SV2C: variants seen among roughly 807,000 people sequenced by gnomAD.
The protein encoded by SV2C is synaptic vesicle glycoprotein 2C, also known as solute carrier family 22 member B3.
Under a neutral mutation model 79.7 loss-of-function variants are expected in SV2C, and 49 were observed. The observed-to-expected ratio is 0.61, with a 90% confidence interval of 0.49 to 0.78. SV2C has a LOEUF of 0.78. Among genes scored for constraint, SV2C ranks in the 30% least tolerant of loss-of-function variants. The pLI is 0.00. For synonymous variants in SV2C, 334 were observed against 333.2 expected, an observed-to-expected ratio of 1.00 and a Z score of -0.03; for missense variants, 833 against 912.9, an observed-to-expected ratio of 0.91 and a Z score of 1.13.
chr5:75,892,256 T>A, the SV2C span, among the ~76,000 whole-genome samples: 5 of 151,476 alleles, frequency 3.3e-5, no homozygotes, highest in Non-Finnish European at 5.9e-5. Context: ...TTTTAATAAA[T>A]TTTTTTTTAA....
At chr5:75,927,982 C>T in the SV2C span, among the ~76,000 whole-genome samples, 1 of 152,168 alleles carries the variant, frequency 6.6e-6, no homozygotes, top group Admixed American at 6.5e-5. Flanking sequence ...TAACTTTCAT[C>T]GAGTGTCTAT....
the SV2C span, among the ~76,000 whole-genome samples, chr5:75,953,298 C>T: frequency 6.6e-6 from 1 of 151,946 alleles, no homozygotes. Flanking sequence ...TGACCAAATA[C>T]CTCCCATTAA....
intron 1 of SV2C, among the ~76,000 whole-genome samples, chr5:76,120,854 A>G (rs1289425646): frequency 1.3e-5 from 2 of 150,656 alleles, no homozygotes; most frequent in South Asian, 2.1e-4. Flanking sequence ...TTATAGCGGC[A>G]TGATTTATAG....
chr5:76,270,975 G>A (rs1412413064), intron 4 of SV2C, among the ~76,000 whole-genome samples: 1 of 151,950 alleles, frequency 6.6e-6, no homozygotes, highest in Non-Finnish European at 1.5e-5. Context: ...CACCATGTTG[G>A]CCACGCTGAT....
chr5:76,063,075 G>C, the SV2C span, among the ~76,000 whole-genome samples: 8 of 152,096 alleles, frequency 5.3e-5, no homozygotes, highest in Non-Finnish European at 1.2e-4. Flanking sequence ...AAAATGACCT[G>C]CTTTACACTG....
At chr5:76,218,397 T>C (rs1580361577) in intron 4 of SV2C, among the ~76,000 whole-genome samples, 1 of 152,176 alleles carries the variant, frequency 6.6e-6, no homozygotes, top group Admixed American at 6.5e-5. Flanking sequence ...AAATGTGGCA[T>C]ATATACAACA....
chr5:76,214,143 G>C (rs1206462929), intron 4 of SV2C, among the ~76,000 whole-genome samples: 1 of 152,100 alleles, frequency 6.6e-6, no homozygotes, highest in Non-Finnish European at 1.5e-5. Flanking sequence ...AAGCTTTACT[G>C]TTTTTACAGT....
At chr5:75,965,769 G>A in the SV2C span, among the ~76,000 whole-genome samples, 88 of 151,948 alleles carry the variant, frequency 5.8e-4, no homozygotes, top group Non-Finnish European at 9.0e-4. Context: ...TGGCATTGTT[G>A]CTAGGGATAC....
intron 1 of SV2C, among the ~76,000 whole-genome samples, chr5:76,123,508 A>C (rs573700144): frequency 1.3e-5 from 2 of 152,318 alleles, no homozygotes; most frequent in African/African-American, 4.8e-5. Context: ...ATCCAGCAGC[A>C]CATCAAAAAG....
At chr5:75,994,158 A>G in the SV2C span, among the ~76,000 whole-genome samples, 6,090 of 152,172 alleles carry the variant, frequency 0.04, 460 homozygotes, top group African/African-American at 0.14. Context: ...AGAGTTTGCA[A>G]TGGTACACAT....
At chr5:76,316,948 T>G (rs927033822) in intron 12 of SV2C, among the ~76,000 whole-genome samples, 6 of 152,156 alleles carry the variant, frequency 3.9e-5, no homozygotes, top group Non-Finnish European at 8.8e-5. Flanking sequence ...TTAGTGCAAA[T>G]GGAGGTTTCA....
chr5:76,049,331 A>AG, the SV2C span, among the ~76,000 whole-genome samples: 1 of 151,008 alleles, frequency 6.6e-6, no homozygotes, highest in Non-Finnish European at 1.5e-5. Flanking sequence ...AGCGAAAAAA[A>AG]AAAAAAAGAA....
the SV2C span, among the ~76,000 whole-genome samples, chr5:75,961,730 A>T: frequency 2.2e-4 from 33 of 152,116 alleles, no homozygotes; most frequent in African/African-American, 7.7e-4. Context: ...ATTAATTTTC[A>T]CACATATTAC....
At position 76,329,244 on chromosome 5, in the gene SV2C, A is replaced by T; in HGVS notation, c.*3697A>T. 6.6e-6 allele frequency: 1 copy of T among 152,282 alleles called. No individual in the cohort carries two copies. The allele number at this position is 152,282 out of a possible 1,614,324, so 9.4% of individuals were successfully genotyped here. A position where few individuals can be genotyped will look rare whatever the true frequency, so the allele number is the denominator to read the frequency against. On this transcript the variant is annotated 3_prime_UTR_variant, in exon 13 of 13. Transcript: ENST00000502798. Reference sequence around the variant, plus strand: ...AGCATCCTGACTAGTATCTCTGTTCACTGCAGGTTTGACAGTTACCATCAC... The same window carrying T: ...AGCATCCTGACTAGTATCTCTGTTCTCTGCAGGTTTGACAGTTACCATCAC...
At chr5:76,088,874 G>C (rs768773971) in intron 1 of SV2C, among the ~76,000 whole-genome samples, 1 of 152,100 alleles carries the variant, frequency 6.6e-6, no homozygotes, top group Admixed American at 6.5e-5. Context: ...CTGAGGACAG[G>C]ATTAGGGATA....
At chr5:76,321,817 T>G (rs1288864943) in intron 12 of SV2C, among the ~76,000 whole-genome samples, 3 of 152,164 alleles carry the variant, frequency 2.0e-5, no homozygotes, top group Non-Finnish European at 4.4e-5. Flanking sequence ...GATAATAATT[T>G]TTTTCTTTTT....
intron 12 of SV2C, among the ~76,000 whole-genome samples, chr5:76,344,435 G>A (rs971386640): frequency 1.3e-5 from 2 of 152,232 alleles, no homozygotes; most frequent in Non-Finnish European, 2.9e-5. Context: ...TAGGCCGGGT[G>A]CGGTGGCTCA....
chr5:75,920,771 G>A, the SV2C span: 10 of 780,070 alleles, frequency 1.3e-5, no homozygotes, highest in African/African-American at 5.1e-5. Context: ...CTTGGGTCCC[G>A]TTGGGGTGCT....
At chr5:76,115,377 G>C (rs1048509807) in intron 1 of SV2C, among the ~76,000 whole-genome samples, 2 of 152,166 alleles carry the variant, frequency 1.3e-5, no homozygotes, top group Admixed American at 6.5e-5. Flanking sequence ...GTCTTATTTT[G>C]TAATGGCTCT....
Sources: allele counts gnomAD v4.1 joint callset (sites outside exome capture counted in the v4.1 genomes callset), GRCh38; gene constraint gnomAD v4.1.1; transcripts MANE v1.5; gene names NCBI Gene and HGNC (gene_info 2026-07-23, HGNC 2026-07-21).